Variants in RBFOX1 observed in about 807,000 individuals in gnomAD.
RBFOX1 encodes RNA binding protein fox-1 homolog 1.
A neutral mutation model predicts 57.7 loss-of-function variants in RBFOX1; 8 were observed. The ratio of observed to expected loss-of-function variants is 0.14; its 90% CI spans 0.08 to 0.25. The LOEUF is 0.25. Ranked by LOEUF, RBFOX1 falls within the 10% of genes least tolerant of loss-of-function variation. RBFOX1 has a pLI of 1.00. For synonymous variants in RBFOX1, 326 were observed against 222.4 expected, an observed-to-expected ratio of 1.47 and a Z score of -4.15; for missense variants, 611 against 548.5, an observed-to-expected ratio of 1.11 and a Z score of -1.14.
chr16:6,494,284 G>A (rs2076094393), intron 2 of RBFOX1, among the ~76,000 whole-genome samples: 1 of 152,126 alleles, frequency 6.6e-6, no homozygotes, highest in Non-Finnish European at 1.5e-5. Context: ...TTCATCGTGT[G>A]TAGGTTTCTG....
intron 4 of RBFOX1, among the ~76,000 whole-genome samples, chr16:7,229,646 AGAGAGAGGGAGGAAGGGCAAAGGAAG>A: frequency 1.1e-5 from 1 of 92,706 alleles, no homozygotes; most frequent in African/African-American, 3.7e-5. Flanking sequence ...GAAGGAAGGG[AGAGAGAGGGAGGAAGGGCAAAGGAAG>A]TAAGGGAGAG....
intron 3 of RBFOX1, among the ~76,000 whole-genome samples, chr16:7,013,021 A>G (rs2093725031): frequency 1.3e-5 from 2 of 152,110 alleles, no homozygotes; most frequent in South Asian, 2.1e-4. Flanking sequence ...AGAGAGAGAA[A>G]GCAAGCCCTC....
intron 3 of RBFOX1, among the ~76,000 whole-genome samples, chr16:5,630,627 A>G (rs542549562): frequency 1.3e-5 from 2 of 152,232 alleles, no homozygotes; most frequent in East Asian, 3.9e-4. Flanking sequence ...TGAAGTTTCC[A>G]TTGATTGGTG....
chr16:6,396,902 TACAA>T (rs2092860503), intron 2 of RBFOX1, among the ~76,000 whole-genome samples: 1 of 152,126 alleles, frequency 6.6e-6, no homozygotes, highest in African/African-American at 2.4e-5. Context: ...ATTTTAGAAT[TACAA>T]ATAAAATATT....
chr16:7,599,587 A>T (rs937344466), intron 9 of RBFOX1, among the ~76,000 whole-genome samples: 1 of 147,568 alleles, frequency 6.8e-6, no homozygotes, highest in Non-Finnish European at 1.5e-5. Flanking sequence ...CATTATCCCT[A>T]TTTTAGAGGT....
intron 4 of RBFOX1, among the ~76,000 whole-genome samples, chr16:7,108,346 G>T (rs1482905858): frequency 6.6e-6 from 1 of 152,112 alleles, no homozygotes; most frequent in African/African-American, 2.4e-5. Flanking sequence ...AGTACAGCTT[G>T]TCCTTTGTTT....
At chr16:6,114,803 C>T (rs2096482299) in intron 1 of RBFOX1, among the ~76,000 whole-genome samples, 1 of 152,172 alleles carries the variant, frequency 6.6e-6, no homozygotes, top group Non-Finnish European at 1.5e-5. Context: ...CAAAAGAATT[C>T]ATGTGCAAGC....
intron 4 of RBFOX1, among the ~76,000 whole-genome samples, chr16:7,466,631 T>C: frequency 6.6e-6 from 1 of 152,206 alleles, no homozygotes; most frequent in Admixed American, 6.5e-5. Flanking sequence ...ACTAGCTGTG[T>C]GTCCTTAGCA....
At chr16:6,563,165 C>A (rs759901360) in intron 2 of RBFOX1, among the ~76,000 whole-genome samples, 2 of 152,118 alleles carry the variant, frequency 1.3e-5, no homozygotes, top group Non-Finnish European at 2.9e-5. Flanking sequence ...GTGTTGTCGT[C>A]CTTTGTGACT....
chr16:6,621,241 C>T (rs768177712), intron 2 of RBFOX1, among the ~76,000 whole-genome samples: 2 of 152,176 alleles, frequency 1.3e-5, no homozygotes, highest in African/African-American at 2.4e-5. Context: ...GCCGGCGGAT[C>T]ACAAGGTCAG....
At chr16:7,216,234 T>C (rs1466791947) in intron 4 of RBFOX1, among the ~76,000 whole-genome samples, 1 of 152,226 alleles carries the variant, frequency 6.6e-6, no homozygotes, top group Non-Finnish European at 1.5e-5. Context: ...ATCATGCCAC[T>C]ATCTGCATAT....
intron 4 of RBFOX1, among the ~76,000 whole-genome samples, chr16:7,389,287 A>G (rs1255377640): frequency 6.6e-6 from 1 of 152,060 alleles, no homozygotes; most frequent in East Asian, 1.9e-4. Context: ...CACCACGCCC[A>G]GCTAATTTTA....
chr16:5,537,580 C>A (rs1296455569), intron 2 of RBFOX1, among the ~76,000 whole-genome samples: 4 of 152,198 alleles, frequency 2.6e-5, no homozygotes, highest in African/African-American at 9.6e-5. Flanking sequence ...GGTTGTGGGA[C>A]TGAGGTGCCT....
chr16:6,782,235 G>T (rs2081152461), intron 3 of RBFOX1, among the ~76,000 whole-genome samples: 2 of 152,134 alleles, frequency 1.3e-5, no homozygotes, highest in African/African-American at 4.8e-5. Context: ...TCTGTCTCTT[G>T]ACCTCGTGGT....
chr16:6,902,271 T>C (rs1301709002), intron 3 of RBFOX1, among the ~76,000 whole-genome samples: 1 of 152,206 alleles, frequency 6.6e-6, no homozygotes, highest in Non-Finnish European at 1.5e-5. Context: ...CCCGTTTTTG[T>C]TTCCACTGTG....
chr16:6,292,532 T>A (rs57256407), intron 1 of RBFOX1, among the ~76,000 whole-genome samples: 1 of 151,972 alleles, frequency 6.6e-6, no homozygotes, highest in Non-Finnish European at 1.5e-5. Flanking sequence ...TCTTATTGGC[T>A]TTTTGTCTTG....
intron 3 of RBFOX1, among the ~76,000 whole-genome samples, chr16:7,011,664 C>T (rs1170209892): frequency 2.0e-5 from 3 of 152,124 alleles, no homozygotes; most frequent in Non-Finnish European, 2.9e-5. Flanking sequence ...CAGGTGCCTG[C>T]CACCATGCTC....
chr16:7,094,773 T>TGTGTGTGTGTGTGTGTGTGG (rs1272219459), intron 4 of RBFOX1, among the ~76,000 whole-genome samples: 7 of 140,920 alleles, frequency 5.0e-5, no homozygotes, highest in African/African-American at 1.5e-4. Flanking sequence ...TGTGTGTGTG[T>TGTGTGTGTGTGTGTGTGTGG]GTGGGTGTGT....
chr16:7,525,898 G>T (rs1247314259), intron 5 of RBFOX1, among the ~76,000 whole-genome samples: 1 of 152,180 alleles, frequency 6.6e-6, no homozygotes, highest in East Asian at 1.9e-4. Context: ...TCTGCCTGAT[G>T]TTAAAGTCCA....
Sources: allele counts gnomAD v4.1 joint callset (sites outside exome capture counted in the v4.1 genomes callset), GRCh38; gene constraint gnomAD v4.1.1; transcripts MANE v1.5; gene names NCBI Gene and HGNC (gene_info 2026-07-23, HGNC 2026-07-21).